CTNNA2: variants seen among roughly 807,000 people sequenced by gnomAD.
CTNNA2 encodes the protein catenin alpha 2.
CTNNA2 carries 42 observed loss-of-function variants against 101.0 expected under a neutral mutation model. That is an observed-to-expected ratio of 0.42 (90% confidence interval 0.32 to 0.54). CTNNA2 has a LOEUF of 0.54. Ranked by LOEUF, CTNNA2 falls within the 20% of genes least tolerant of loss-of-function variation. The pLI, the probability that CTNNA2 is intolerant of heterozygous loss-of-function variation, is 0.14. For synonymous variants in CTNNA2, 450 were observed against 456.4 expected (o/e 0.99, Z 0.18); for missense variants, 871 against 1,223.1 (o/e 0.71, Z 4.29).
intron 3 of CTNNA2, among the ~76,000 whole-genome samples, chr2:79,317,440 G>C (rs1030968688): frequency 1.3e-5 from 2 of 151,932 alleles, no homozygotes; most frequent in African/African-American, 4.8e-5. Context: ...TGGGTTATTT[G>C]ATTTCTTGCA....
chr2:79,613,639 T>G (rs562163599), intron 1 of CTNNA2, among the ~76,000 whole-genome samples: 1 of 152,164 alleles, frequency 6.6e-6, no homozygotes, highest in South Asian at 2.1e-4. Context: ...TAACTAACAT[T>G]TATTAAGGAT....
At chr2:79,552,168 C>T (rs558455473) in intron 1 of CTNNA2, among the ~76,000 whole-genome samples, 1 of 152,282 alleles carries the variant, frequency 6.6e-6, no homozygotes, top group Non-Finnish European at 1.5e-5. Flanking sequence ...AATGTGGGTA[C>T]AGGCATTGGC....
chr2:79,993,767 T>G (rs181794796), intron 7 of CTNNA2, among the ~76,000 whole-genome samples: 28 of 152,032 alleles, frequency 1.8e-4, no homozygotes, highest in Non-Finnish European at 7.4e-5. Context: ...ATGGGGAGAA[T>G]AAAAAGAAGT....
chr2:79,242,401 G>T (rs1674638777), intron 2 of CTNNA2, among the ~76,000 whole-genome samples: 1 of 151,934 alleles, frequency 6.6e-6, no homozygotes, highest in South Asian at 2.1e-4. Flanking sequence ...GGTGATTTGG[G>T]GAAACCTAAT....
At chr2:79,922,825 G>T (rs528719703) in intron 7 of CTNNA2, among the ~76,000 whole-genome samples, 1 of 151,836 alleles carries the variant, frequency 6.6e-6, no homozygotes, top group Non-Finnish European at 1.5e-5. Context: ...TTGGAACTCA[G>T]GTCTTCTCGT....
intron 2 of CTNNA2, among the ~76,000 whole-genome samples, chr2:79,684,356 A>C (rs1683786876): frequency 6.6e-6 from 1 of 152,142 alleles, no homozygotes; most frequent in African/African-American, 2.4e-5. Context: ...ATCTGACCTC[A>C]AATCATTAAA....
chr2:79,696,018 T>A (rs192452036), intron 2 of CTNNA2, among the ~76,000 whole-genome samples: 1 of 152,008 alleles, frequency 6.6e-6, no homozygotes, highest in East Asian at 1.9e-4. Context: ...GTCTATCCTG[T>A]CCCTTGGTGG....
At chr2:80,430,479 C>G (rs1290867434) in intron 9 of CTNNA2, among the ~76,000 whole-genome samples, 1 of 152,162 alleles carries the variant, frequency 6.6e-6, no homozygotes, top group Admixed American at 6.5e-5. Context: ...AATTCAAGTT[C>G]CCTGGGGTCC....
At chr2:80,220,671 T>C (rs1708523843) in intron 7 of CTNNA2, among the ~76,000 whole-genome samples, 1 of 152,240 alleles carries the variant, frequency 6.6e-6, no homozygotes. Context: ...ATTTCTTCCA[T>C]GTTTGCTGCT....
At chr2:79,716,279 T>C (rs2104836494) in intron 2 of CTNNA2, among the ~76,000 whole-genome samples, 1 of 152,340 alleles carries the variant, frequency 6.6e-6, no homozygotes, top group Admixed American at 6.5e-5. Flanking sequence ...TTATTTATTT[T>C]CCTTCAACTT....
At position 79,466,440 on chromosome 2, in the gene CTNNA2, C is replaced by T. The variant is rs113577399; in HGVS notation, c.-134-38614C>T. ...GGAGGCCTGCCTGCCTCTGTAGACT[C>T]CACCTCTGGGGGCAGGGCATAGCCA... is the stretch of plus-strand genomic sequence containing the variant. On this transcript the variant is annotated intron_variant, in intron 4 of 21. Coordinates refer to the CTNNA2 transcript ENST00000466387. Among the ~76,000 whole-genome samples, 728 of 152,338 alleles carry T rather than the reference C, an allele frequency of 4.8e-3. 7 individuals carry two copies. Among genetic ancestry groups the T allele is most frequent in the African/African-American group, 0.016 (666 of 41,594 alleles).
chr2:79,308,061 C>T (rs1304951767), intron 2 of CTNNA2, among the ~76,000 whole-genome samples: 2 of 151,920 alleles, frequency 1.3e-5, no homozygotes, highest in Non-Finnish European at 2.9e-5. Flanking sequence ...TTATTTATTT[C>T]GAGATTGAGT....
chr2:80,400,509 G>A (rs1678458736), intron 8 of CTNNA2, among the ~76,000 whole-genome samples: 1 of 152,032 alleles, frequency 6.6e-6, no homozygotes, highest in Non-Finnish European at 1.5e-5. Flanking sequence ...AGAAGATGAT[G>A]CTAGTTTTAA....
At chr2:79,321,216 C>CTTAA (rs1676616008) in intron 3 of CTNNA2, among the ~76,000 whole-genome samples, 1 of 152,098 alleles carries the variant, frequency 6.6e-6, no homozygotes, top group African/African-American at 2.4e-5. Flanking sequence ...ATAACTAAGG[C>CTTAA]TTAAAGAGGT....
intron 7 of CTNNA2, among the ~76,000 whole-genome samples, chr2:80,263,279 A>T (rs1331956799): frequency 1.3e-5 from 2 of 152,228 alleles, no homozygotes; most frequent in Non-Finnish European, 2.9e-5. Flanking sequence ...TATTCTGCAC[A>T]CGAGGAAACT....
intron 3 of CTNNA2, among the ~76,000 whole-genome samples, chr2:79,323,513 C>A (rs1676671690): frequency 6.6e-6 from 1 of 150,390 alleles, no homozygotes; most frequent in Non-Finnish European, 1.5e-5. Context: ...ACTCAACATC[C>A]ATTTATACTT....
intron 1 of CTNNA2, among the ~76,000 whole-genome samples, chr2:79,587,696 C>T (rs766479392): frequency 2.0e-5 from 3 of 152,158 alleles, no homozygotes; most frequent in African/African-American, 7.2e-5. Flanking sequence ...AAAAGCCACT[C>T]AGGGTGACGC....
At chr2:79,689,782 A>G (rs1485156693) in intron 2 of CTNNA2, among the ~76,000 whole-genome samples, 5 of 152,020 alleles carry the variant, frequency 3.3e-5, no homozygotes, top group Non-Finnish European at 5.9e-5. Flanking sequence ...AGCTGTAGCA[A>G]AGAATAAAAT....
intron 1 of CTNNA2, among the ~76,000 whole-genome samples, chr2:79,591,495 A>C (rs1226766134): frequency 6.6e-6 from 1 of 152,178 alleles, no homozygotes; most frequent in Non-Finnish European, 1.5e-5. Flanking sequence ...AATCTGTCAT[A>C]AGATTCATGT....
Sources: gnomAD v4.1 joint callset for allele counts (sites outside exome capture counted in the v4.1 genomes callset) on GRCh38, gnomAD v4.1.1 for gene constraint, MANE v1.5 for transcripts, NCBI Gene and HGNC (gene_info 2026-07-23, HGNC 2026-07-21) for gene names.